Variants in KCNJ3 observed in about 807,000 individuals in gnomAD.
KCNJ3 encodes the protein potassium inwardly rectifying channel subfamily J member 3, also known as G protein-activated inward rectifier potassium channel 1.
KCNJ3 carries 4 observed loss-of-function variants against 39.2 expected under a neutral mutation model. The ratio of observed to expected loss-of-function variants is 0.10; its 90% CI spans 0.05 to 0.23. KCNJ3 has a LOEUF of 0.23. Ranked by LOEUF, KCNJ3 falls within the 10% of genes least tolerant of loss-of-function variation. The pLI is 1.00. For missense variants in KCNJ3, 276 were observed against 634.9 expected, an observed-to-expected ratio of 0.43 and a Z score of 6.08; for synonymous variants, 230 against 237.4, an observed-to-expected ratio of 0.97 and a Z score of 0.29.
Position 154,827,923 on chromosome 2 carries a change from T to C in KCNJ3, c.920-26804T>C, listed in dbSNP as rs182015048. Among the ~76,000 whole-genome samples the C allele has an allele frequency of 8.5e-5, 13 of 152,306 alleles. No homozygotes were observed. The East Asian group carries it at 2.3e-3, about 27-fold the overall frequency. ...AATGATCAAATTCTGGAAAGAACAG[T>C]ATATTTTCTGTAAATAACTTAGATT... On this transcript the variant is annotated intron_variant, in intron 2 of 2. Transcript: ENST00000295101.
chr2:154,853,450 A>C (rs777954229), intron 2 of KCNJ3, among the ~76,000 whole-genome samples: 57 of 152,140 alleles, frequency 3.7e-4, no homozygotes, highest in Non-Finnish European at 7.4e-4. Flanking sequence ...AGGCTTAAAA[A>C]CAATAGAAAT....
chr2:154,750,013 A>G (rs1056957906), intron 2 of KCNJ3, among the ~76,000 whole-genome samples: 2 of 152,054 alleles, frequency 1.3e-5, no homozygotes, highest in East Asian at 3.9e-4. Flanking sequence ...AATCATGCCT[A>G]AAATAGTAGT....
At chr2:154,711,340 T>G (rs565414700) in intron 2 of KCNJ3, among the ~76,000 whole-genome samples, 18 of 152,252 alleles carry the variant, frequency 1.2e-4, no homozygotes, top group African/African-American at 4.1e-4. Flanking sequence ...TTTATTGGTT[T>G]ATTTCTTATG....
chr2:154,811,350 C>T (rs1160987905), intron 2 of KCNJ3, among the ~76,000 whole-genome samples: 2 of 152,140 alleles, frequency 1.3e-5, no homozygotes, highest in African/African-American at 4.8e-5. Context: ...AATGAAATAC[C>T]TCCTCAGGAA....
intron 2 of KCNJ3, among the ~76,000 whole-genome samples, chr2:154,711,075 A>G (rs553546724): frequency 4.1e-4 from 62 of 152,252 alleles, no homozygotes; most frequent in African/African-American, 1.2e-3. Flanking sequence ...TTTTAAGGGC[A>G]GTGAAAAAAG....
rs551165325 is a variant in KCNJ3, at chr2:154,705,256, G to A, written c.703-4347G>A. Among the ~76,000 whole-genome samples the A allele has an allele frequency of 1.1e-3, 172 of 152,290 alleles. 1 individual carries two copies. The highest frequency in any genetic ancestry group is 1.7e-3 in the East Asian group (9 of 5,186). ...CTTGACAAATGAATGTGGGCACTTG[G>A]CCATATATCCACGAGAAGGAGGGGG... On this transcript the variant is annotated intron_variant, in intron 1 of 2. Coordinates refer to ENST00000295101, the MANE Select transcript of KCNJ3 (RefSeq NM_002239.4).
At position 154,856,910 on chromosome 2, in the gene KCNJ3, A is replaced by T. The variant is rs1238761844; in HGVS notation, c.*1597A>T. On this transcript the variant is annotated 3_prime_UTR_variant, in exon 3 of 3. Transcript: ENST00000295101. ...TGTAATTCCAGTCTGCCCCAACTTT[A>T]AAAAAAATTCTTATTAATATGTCAG... 2.6e-5 allele frequency: 4 copies of T among 152,096 alleles called. No homozygotes were observed. The highest frequency in any genetic ancestry group is 9.7e-5 in the African/African-American group (4 of 41,426). The allele number at this position is 152,096 out of a possible 1,614,324, so 9.4% of individuals were successfully genotyped here.
chr2:154,820,154 A>T (rs565127307), intron 2 of KCNJ3, among the ~76,000 whole-genome samples: 1 of 152,172 alleles, frequency 6.6e-6, no homozygotes, highest in East Asian at 1.9e-4. Context: ...TTCAAATTCC[A>T]CCAGTTGTTT....
In KCNJ3 at chr2:154,750,240, A is replaced by C. The variant is rs955124618; in HGVS notation, c.919+40421A>C. Among the ~76,000 whole-genome samples the C allele has an allele frequency of 3.3e-5, 5 of 152,106 alleles. No homozygotes were observed. The South Asian group carries it at 1.0e-3, about 32-fold the overall frequency. On this transcript the variant is annotated intron_variant, in intron 2 of 2. Transcript: ENST00000295101. ...TACACAATTATATTATACAGCTATA[A>C]TTAATTAAGTGATTAACTGACAAAG...
chr2:154,829,571 A>G (rs1687327806), intron 2 of KCNJ3, among the ~76,000 whole-genome samples: 1 of 152,050 alleles, frequency 6.6e-6, no homozygotes, highest in Admixed American at 6.6e-5. Context: ...TGCTATTGTG[A>G]ATAGTGCTGC....
intron 2 of KCNJ3, among the ~76,000 whole-genome samples, chr2:154,769,988 A>T (rs1374564086): frequency 6.6e-6 from 1 of 152,176 alleles, no homozygotes; most frequent in African/African-American, 2.4e-5. Flanking sequence ...CTTTTAAAAG[A>T]CATTTTAAAT....
At position 154,857,227 on chromosome 2, in the gene KCNJ3, G is replaced by C. The variant is rs1249524027; in HGVS notation, c.*1914G>C. On this transcript the variant is annotated 3_prime_UTR_variant, in exon 3 of 3. Coordinates refer to ENST00000295101, the MANE Select transcript of KCNJ3 (RefSeq NM_002239.4). ...ATGTAGGAAACAAAATAGTGACAGAGAGAGAAGGGGGTCCACAGGGCATGG... is the reference window on the plus strand; with the variant it reads ...ATGTAGGAAACAAAATAGTGACAGACAGAGAAGGGGGTCCACAGGGCATGG... 1 of 152,114 alleles carries C rather than the reference G, an allele frequency of 6.6e-6. No individual in the cohort carries two copies. Among genetic ancestry groups the C allele is most frequent in the African/African-American group, 2.4e-5 (1 of 41,412 alleles). 9.4% of individuals were successfully genotyped at this position (152,114 alleles called of 1,614,324 possible). A position where few individuals can be genotyped will look rare whatever the true frequency, so the allele number is the denominator to read the frequency against.
chr2:154,804,824 G>A (rs746179526), intron 2 of KCNJ3, among the ~76,000 whole-genome samples: 3 of 152,088 alleles, frequency 2.0e-5, no homozygotes, highest in Non-Finnish European at 4.4e-5. Context: ...CCTCTGACAT[G>A]CTCCTAAACT....
At chr2:154,706,146 G>T (rs1050843040) in intron 1 of KCNJ3, among the ~76,000 whole-genome samples, 1 of 151,770 alleles carries the variant, frequency 6.6e-6, no homozygotes, top group Non-Finnish European at 1.5e-5. Flanking sequence ...AACTTTTAGC[G>T]ATCGCTTTGA....
rs1185322279 is a variant in KCNJ3, at chr2:154,854,914, C to T, written c.1107C>T (p.Ser369=). 13 of 1,613,800 alleles carry T rather than the reference C, an allele frequency of 8.1e-6. No individual in the cohort carries two copies. The highest frequency in any genetic ancestry group is 1.1e-5 in the Non-Finnish European group (13 of 1,179,926). The change falls in exon 3 of 3, where the codon TCC becomes TCT. Residue 369 remains serine (S), a synonymous_variant. Transcript: ENST00000295101. ...KEQEEMLLMS[S]PLIAPAITNS... The stretch of plus-strand genomic sequence containing the variant: ...AGGAGGAAATGCTTCTCATGTCGTC[C>T]CCTTTAATAGCACCAGCCATAACTA...
At chr2:154,726,852 A>G (rs1685369197) in intron 2 of KCNJ3, among the ~76,000 whole-genome samples, 1 of 149,544 alleles carries the variant, frequency 6.7e-6, no homozygotes, top group Non-Finnish European at 1.5e-5. Context: ...ATGGAATACT[A>G]CTCAGCCAAA....
chr2:154,822,422 T>A (rs1010256194), intron 2 of KCNJ3, among the ~76,000 whole-genome samples: 1 of 152,194 alleles, frequency 6.6e-6, no homozygotes, highest in South Asian at 2.1e-4. Context: ...GTTTCTCTAA[T>A]TGACCAAATG....
intron 2 of KCNJ3, among the ~76,000 whole-genome samples, chr2:154,783,923 A>C (rs1011523723): frequency 5.3e-5 from 8 of 152,226 alleles, no homozygotes; most frequent in Non-Finnish European, 1.0e-4. Flanking sequence ...TAATTTCCTG[A>C]ACATATACAA....
At chr2:154,753,546 GTGTTTTAT>G (rs1685884938) in intron 2 of KCNJ3, among the ~76,000 whole-genome samples, 2 of 152,010 alleles carry the variant, frequency 1.3e-5, no homozygotes, top group Admixed American at 1.3e-4. Flanking sequence ...CATGCTTACT[GTGTTTTAT>G]GTTACGATTT....
Sources: allele counts gnomAD v4.1 joint callset (sites outside exome capture counted in the v4.1 genomes callset), GRCh38; gene constraint gnomAD v4.1.1; transcripts MANE v1.5; gene names NCBI Gene and HGNC (gene_info 2026-07-23, HGNC 2026-07-21).